Variants in STX8 observed in about 807,000 individuals in gnomAD.
The protein encoded by STX8 is syntaxin-8.
Under a neutral mutation model 37.5 loss-of-function variants are expected in STX8, and 23 were observed. The ratio of observed to expected loss-of-function variants is 0.61; its 90% CI spans 0.44 to 0.87. The LOEUF (loss-of-function observed/expected upper bound fraction) is 0.87, where lower values mean the gene tolerates loss of function less well. Ranked by LOEUF, STX8 falls within the 40% of genes least tolerant of loss-of-function variation. The probability of loss-of-function intolerance (pLI) is 0.00; values close to 1 mark genes in which losing one functional copy is unlikely to be tolerated. For missense variants in STX8, 313 were observed against 284.7 expected (o/e 1.10, Z -0.71); for synonymous variants, 115 against 99.1 (o/e 1.16, Z -0.95).
intron 5 of STX8, among the ~76,000 whole-genome samples, chr17:9,496,799 T>C (rs1904422634): frequency 6.6e-6 from 1 of 152,114 alleles, no homozygotes; most frequent in Non-Finnish European, 1.5e-5. Context: ...GAGAGATAAC[T>C]TACTGGCTTT....
At chr17:9,284,700 C>T (rs914390121) in intron 7 of STX8, among the ~76,000 whole-genome samples, 1 of 152,130 alleles carries the variant, frequency 6.6e-6, no homozygotes, top group African/African-American at 2.4e-5. Flanking sequence ...TTTAAAGTTT[C>T]CTCTAGATCT....
chr17:9,556,853 A>G (rs1193453719), intron 3 of STX8: 1 of 149,034 alleles, frequency 6.7e-6, no homozygotes, highest in African/African-American at 2.5e-5. Flanking sequence ...AGATGATGGC[A>G]TAACTTGCTT....
chr17:9,458,160 A>AT (rs376234768), intron 6 of STX8, among the ~76,000 whole-genome samples: 5 of 152,158 alleles, frequency 3.3e-5, no homozygotes, highest in East Asian at 1.9e-4. Context: ...TTTTAATTTT[A>AT]TTTTTTTGAG....
chr17:9,530,762 G>A (rs148791004), intron 4 of STX8, among the ~76,000 whole-genome samples: 62 of 152,130 alleles, frequency 4.1e-4, no homozygotes, highest in African/African-American at 1.4e-3. Context: ...TTTTCATTCT[G>A]TGACTTGTCT....
intron 4 of STX8, among the ~76,000 whole-genome samples, chr17:9,527,875 G>T (rs1451139522): frequency 6.6e-6 from 1 of 152,102 alleles, no homozygotes; most frequent in Non-Finnish European, 1.5e-5. Flanking sequence ...CCACTTTGAG[G>T]ACTCTATTGC....
In STX8 at chr17:9,507,162, A is replaced by T. The variant is rs1007403452; in HGVS notation, c.324-2000T>A. 6.6e-5 allele frequency among the ~76,000 whole-genome samples: 10 copies of T among 152,120 alleles called. No homozygotes were observed. The East Asian group carries it at 1.9e-3, about 30-fold the overall frequency. ...GACTACGCTCCTGCATCCCGGATCT[A>T]TGAAACAGTCGGGCAGTGCAGCCCC... On this transcript the variant is annotated intron_variant, in intron 4 of 7. Coordinates refer to ENST00000306357, the MANE Select transcript of STX8 (RefSeq NM_004853.3). The surrounding 1 kb of genome is among the most constrained non-coding windows in gnomAD (Gnocchi z 4.0).
At chr17:9,268,837 T>C (rs1459313698) in intron 7 of STX8, among the ~76,000 whole-genome samples, 1 of 152,046 alleles carries the variant, frequency 6.6e-6, no homozygotes, top group Non-Finnish European at 1.5e-5. Context: ...TTCTAGAACA[T>C]GGTTGGCGTA....
chr17:9,332,488 C>A (rs970431073), intron 7 of STX8, among the ~76,000 whole-genome samples: 5 of 152,214 alleles, frequency 3.3e-5, no homozygotes, highest in Admixed American at 6.5e-5. Flanking sequence ...AGACCTAGAT[C>A]TGTAATGACA....
chr17:9,336,156 A>T (rs956366546), intron 7 of STX8, among the ~76,000 whole-genome samples: 1 of 152,128 alleles, frequency 6.6e-6, no homozygotes, highest in African/African-American at 2.4e-5. Flanking sequence ...TTCTAATGTG[A>T]CTTATGAACT....
At chr17:9,382,504 C>T (rs1911858202) in intron 6 of STX8, among the ~76,000 whole-genome samples, 1 of 152,144 alleles carries the variant, frequency 6.6e-6, no homozygotes, top group Non-Finnish European at 1.5e-5. Context: ...CATAGGTATA[C>T]ATGTGCCATG....
chr17:9,366,597 G>A (rs191864026), intron 7 of STX8, among the ~76,000 whole-genome samples: 3 of 152,216 alleles, frequency 2.0e-5, no homozygotes, highest in Non-Finnish European at 2.9e-5. Flanking sequence ...TGCTATATAC[G>A]TATGTAAGAA....
chr17:9,500,375 T>C (rs1010067410), intron 5 of STX8, among the ~76,000 whole-genome samples: 1 of 151,824 alleles, frequency 6.6e-6, no homozygotes, highest in Admixed American at 6.6e-5. Flanking sequence ...ATGAGGTGAG[T>C]TCTAAGACTG....
chr17:9,331,938 G>C (rs1597609320), intron 7 of STX8, among the ~76,000 whole-genome samples: 1 of 152,194 alleles, frequency 6.6e-6, no homozygotes, highest in East Asian at 1.9e-4. Context: ...TCACGGATCT[G>C]TAGAATACAT....
At chr17:9,503,515 T>A (rs1028306153) in intron 5 of STX8, among the ~76,000 whole-genome samples, 7 of 152,182 alleles carry the variant, frequency 4.6e-5, no homozygotes, top group Non-Finnish European at 4.4e-5. Flanking sequence ...TATTTTCTCC[T>A]CCTCCTCCTC....
chr17:9,401,502 C>G (rs1397413310), intron 6 of STX8, among the ~76,000 whole-genome samples: 2 of 152,176 alleles, frequency 1.3e-5, no homozygotes, highest in African/African-American at 2.4e-5. Flanking sequence ...AACAGGCCCA[C>G]ATGGATTACG....
At position 9,329,652 on chromosome 17, in the gene STX8, A is replaced by G. The variant is rs1257497263; in HGVS notation, c.643+48900T>C. 2.0e-5 allele frequency among the ~76,000 whole-genome samples: 3 copies of G among 152,260 alleles called. No homozygotes were observed. The East Asian group carries it at 5.8e-4, about 29-fold the overall frequency. On this transcript the variant is annotated intron_variant, in intron 7 of 7. Coordinates refer to ENST00000306357, the MANE Select transcript of STX8 (RefSeq NM_004853.3). ...GCCAAATGGGGGAGGATGCAGAGCC[A>G]CTTCGAGTCCCATCGGACCACTCAG...
At chr17:9,461,733 C>T (rs1010071349) in intron 6 of STX8, among the ~76,000 whole-genome samples, 5 of 152,010 alleles carry the variant, frequency 3.3e-5, no homozygotes, top group Non-Finnish European at 7.4e-5. Flanking sequence ...ATTTATCGCG[C>T]ACTTTATTTC....
intron 4 of STX8, among the ~76,000 whole-genome samples, chr17:9,542,803 G>A (rs1207594487): frequency 6.6e-6 from 1 of 152,184 alleles, no homozygotes; most frequent in Non-Finnish European, 1.5e-5. Context: ...TTTTAATTCT[G>A]TAGTTTGGGG....
chr17:9,533,013 T>C (rs1022824510), intron 4 of STX8, among the ~76,000 whole-genome samples: 2 of 152,250 alleles, frequency 1.3e-5, no homozygotes, highest in African/African-American at 4.8e-5. Context: ...TATCAGTCCT[T>C]GCACCAAATT....
Sources: gnomAD v4.1 joint callset for allele counts (sites outside exome capture counted in the v4.1 genomes callset) on GRCh38, gnomAD v4.1.1 for gene constraint, Gnocchi (gnomAD v3.1) non-coding constraint, MANE v1.5 for transcripts, NCBI Gene and HGNC (gene_info 2026-07-23, HGNC 2026-07-21) for gene names.